PTK2: variants seen among roughly 807,000 people sequenced by gnomAD.
PTK2 encodes focal adhesion kinase 1.
PTK2 carries 45 observed loss-of-function variants against 150.1 expected under a neutral mutation model. The observed-to-expected ratio is 0.30, with a 90% CI of 0.24 to 0.38. The LOEUF (loss-of-function observed/expected upper bound fraction) is 0.38, where lower values mean the gene tolerates loss of function less well. Among genes scored for constraint, PTK2 ranks in the 10% least tolerant of loss-of-function variants. The pLI, the probability that PTK2 is intolerant of heterozygous loss-of-function variation, is 1.00. For synonymous variants in PTK2, 432 were observed against 449.2 expected (o/e 0.96, Z 0.48); for missense variants, 919 against 1,307.3 (o/e 0.70, Z 4.58).
At chr8:140,826,687 G>A (rs1375605940) in intron 8 of PTK2, among the ~76,000 whole-genome samples, 6 of 152,116 alleles carry the variant, frequency 3.9e-5, no homozygotes, top group African/African-American at 1.2e-4. Flanking sequence ...AGGCGGAGGC[G>A]GGTGGATGGC....
chr8:140,791,576 G>C lies in PTK2; in HGVS notation c.1124+1778C>G, dbSNP rs116941992. Among the ~76,000 whole-genome samples the C allele has an allele frequency of 5.5e-3, 834 of 152,176 alleles. 4 individuals are homozygous for C. Among genetic ancestry groups the C allele is most frequent in the Non-Finnish European group, 1.0e-2 (677 of 68,018 alleles). On this transcript the variant is annotated intron_variant, in intron 13 of 31. Transcript: ENST00000522684. ...GCAACTTGCCAGGTTGGCTGGGGAG[G>C]GTAGACAAGTTAAAAGCCCATGTTT... is the stretch of plus-strand genomic sequence containing the variant.
intron 1 of PTK2, among the ~76,000 whole-genome samples, chr8:140,933,994 G>C (rs1319189942): frequency 8.5e-6 from 1 of 118,132 alleles, no homozygotes; most frequent in Non-Finnish European, 2.1e-5. Context: ...AGAGCTAAAG[G>C]ACAAAAAAAA....
At position 140,871,469 on chromosome 8, in the gene PTK2, T is replaced by C. The variant is rs549306505; in HGVS notation, c.363-7070A>G. 2.3e-4 allele frequency among the ~76,000 whole-genome samples: 35 copies of C among 152,280 alleles called. No individual in the cohort carries two copies. The South Asian group carries it at 6.0e-3, about 26-fold the overall frequency. On this transcript the variant is annotated intron_variant, in intron 4 of 31. Coordinates refer to ENST00000522684, the Ensembl canonical transcript of PTK2. Reference sequence around the variant, plus strand: ...AGAATACTTTTAGCTATGACAACCATTAAAAGCAATAACAAAATAAAACCT... The same window carrying C: ...AGAATACTTTTAGCTATGACAACCACTAAAAGCAATAACAAAATAAAACCT...
At chr8:140,896,338 C>T (rs1218238259) in intron 2 of PTK2, among the ~76,000 whole-genome samples, 2 of 152,048 alleles carry the variant, frequency 1.3e-5, no homozygotes, top group Admixed American at 1.3e-4. Flanking sequence ...CCTGACAGAA[C>T]AGGATGAGAA....
chr8:140,989,706 C>T (rs1269795191), intron 1 of PTK2, among the ~76,000 whole-genome samples: 1 of 151,808 alleles, frequency 6.6e-6, no homozygotes, highest in Non-Finnish European at 1.5e-5. Flanking sequence ...GAGAGGAATT[C>T]GGGACCAACC....
In PTK2 at chr8:140,693,564, T is replaced by TTAAAAAAAAAAA. The variant is rs1181421194; in HGVS notation, c.2500-6871_2500-6870insTTTTTTTTTTTA. On this transcript the variant is annotated intron_variant, in intron 26 of 31. Transcript: ENST00000522684. ...CCACAGAGTGAGACTTTGTCTCAATTAAAAAAAAAAAAAAAAAAAAAAAAA... is the reference window on the plus strand; with the variant it reads ...CCACAGAGTGAGACTTTGTCTCAATTTAAAAAAAAAAAAAAAAAAAAAAAAAAAAAAAAAAAA... Among the ~76,000 whole-genome samples, 24 of 72,458 alleles carry TTAAAAAAAAAAA rather than the reference T, an allele frequency of 3.3e-4. 9 individuals are homozygous for TTAAAAAAAAAAA. The highest frequency in any genetic ancestry group is 1.4e-3 in the African/African-American group (24 of 16,654). The allele number at this position is 72,458 out of a possible 152,430, so 47.5% of individuals were successfully genotyped here.
chr8:140,678,012 G>A (rs1017564892), intron 27 of PTK2, among the ~76,000 whole-genome samples: 6 of 152,136 alleles, frequency 3.9e-5, no homozygotes, highest in African/African-American at 1.4e-4. Context: ...AGATGGCTGG[G>A]ATAGAAGGAG....
At chr8:140,752,266 C>T (rs750297999) in exon 17 of PTK2, 14 of 1,613,958 alleles carry the variant, frequency 8.7e-6, no homozygotes, top group African/African-American at 2.7e-5. Flanking sequence ...TCACGCTGTC[C>T]GAAGTACAGT....
At chr8:140,970,442 T>C (rs150185635) in intron 1 of PTK2, among the ~76,000 whole-genome samples, 2 of 152,388 alleles carry the variant, frequency 1.3e-5, no homozygotes, top group Non-Finnish European at 2.9e-5. Flanking sequence ...CTCTTCTCTA[T>C]GTCAGTTCTT....
chr8:140,955,700 T>C (rs1470911335), intron 1 of PTK2, among the ~76,000 whole-genome samples: 6 of 151,940 alleles, frequency 3.9e-5, no homozygotes, highest in Admixed American at 1.3e-4. Context: ...ATCGGAAGCA[T>C]AGCAAATGAC....
intron 10 of PTK2, 100 bp downstream of exon 10, chr8:140,818,177 T>C (rs1484227213): frequency 8.6e-6 from 10 of 1,160,952 alleles, no homozygotes; most frequent in Middle Eastern, 3.8e-4. Flanking sequence ...AATAGGAAAA[T>C]TTAATTGTAA....
At chr8:140,730,920 A>C (rs1381968283) in intron 22 of PTK2, among the ~76,000 whole-genome samples, 1 of 151,430 alleles carries the variant, frequency 6.6e-6, no homozygotes, top group African/African-American at 2.4e-5. Context: ...TACCTAACAA[A>C]GAATTAACTG....
chr8:140,748,540 C>A (rs148751950), intron 17 of PTK2, among the ~76,000 whole-genome samples: 2 of 150,046 alleles, frequency 1.3e-5, no homozygotes, highest in Non-Finnish European at 3.0e-5. Flanking sequence ...GCCGTGAGGA[C>A]TTTCACATGA....
At chr8:140,969,602 T>C (rs1233696839) in intron 1 of PTK2, among the ~76,000 whole-genome samples, 1 of 152,206 alleles carries the variant, frequency 6.6e-6, no homozygotes, top group African/African-American at 2.4e-5. Flanking sequence ...TCTTCTTACC[T>C]CACAGGTGGT....
chr8:140,693,146 T>C (rs1372511284), intron 26 of PTK2, among the ~76,000 whole-genome samples: 2 of 152,136 alleles, frequency 1.3e-5, no homozygotes, highest in African/African-American at 4.8e-5. Context: ...CAACTGAGGT[T>C]CTAACTAAGG....
intron 3 of PTK2, among the ~76,000 whole-genome samples, chr8:140,886,325 C>T (rs969748145): frequency 2.6e-5 from 4 of 152,050 alleles, no homozygotes. Context: ...CCAAGTACTG[C>T]AGGTTGAAGA....
At chr8:140,782,643 GT>G (rs548570015) in intron 14 of PTK2, among the ~76,000 whole-genome samples, 33 of 147,428 alleles carry the variant, frequency 2.2e-4, no homozygotes, top group East Asian at 1.6e-3. Flanking sequence ...TTAGGGCAAG[GT>G]TTTTTTTTTT....
chr8:140,828,459 G>A (rs1393111441), intron 8 of PTK2, among the ~76,000 whole-genome samples: 1 of 151,952 alleles, frequency 6.6e-6, no homozygotes, highest in African/African-American at 2.4e-5. Flanking sequence ...AGAATGTATT[G>A]GACTCCTAAA....
chr8:140,921,169 G>A, intron 2 of PTK2: 2 of 1,171,574 alleles, frequency 1.7e-6, no homozygotes, highest in Non-Finnish European at 2.1e-6. Flanking sequence ...TCAAGCTACT[G>A]AACAGAATGA....
Sources: gnomAD v4.1 joint callset for allele counts (sites outside exome capture counted in the v4.1 genomes callset) on GRCh38, gnomAD v4.1.1 for gene constraint, MANE v1.5 for transcripts, NCBI Gene and HGNC (gene_info 2026-07-23, HGNC 2026-07-21) for gene names.